Variants in RNF19A observed in about 807,000 individuals in gnomAD.
RNF19A encodes ring finger protein 19A, RBR E3 ubiquitin protein ligase.
Under a neutral mutation model 75.7 loss-of-function variants are expected in RNF19A, and 32 were observed. The observed-to-expected ratio is 0.42, with a 90% CI of 0.32 to 0.57. The LOEUF (loss-of-function observed/expected upper bound fraction) is 0.57. Ranked by LOEUF, RNF19A falls within the 20% of genes least tolerant of loss-of-function variation. The probability of loss-of-function intolerance (pLI) is 0.10; values close to 1 mark genes in which losing one functional copy is unlikely to be tolerated. For missense variants in RNF19A, 782 were observed against 1,036.3 expected, an observed-to-expected ratio of 0.75 and a Z score of 3.37; for synonymous variants, 335 against 345.2, an observed-to-expected ratio of 0.97 and a Z score of 0.33.
rs762766801 is a variant in RNF19A at position 100,269,597 on chromosome 8, G to A, written c.1028+272C>T. 6.6e-6 allele frequency among the ~76,000 whole-genome samples: 1 copy of A among 152,060 alleles called. No individual in the cohort carries two copies. The highest frequency in any genetic ancestry group is 1.9e-4 in the East Asian group (1 of 5,200). On this transcript the variant is annotated intron_variant, in intron 4 of 9. Coordinates refer to ENST00000341084, the MANE Select transcript of RNF19A (RefSeq NM_183419.4). This position sits in a 1 kb window ranked among gnomAD's most constrained non-coding sequence, Gnocchi z 5.7. ...TTATGTATGGGAAAATTAAATGAAAGTATTTATGGGTCTAGCATAATTACA... is the reference window on the plus strand; with the variant it reads ...TTATGTATGGGAAAATTAAATGAAAATATTTATGGGTCTAGCATAATTACA...
chr8:100,303,604 TA>T (rs971344797), intron 1 of RNF19A, among the ~76,000 whole-genome samples: 21 of 152,232 alleles, frequency 1.4e-4, no homozygotes, highest in African/African-American at 4.8e-4. Flanking sequence ...TGCAAAAATC[TA>T]AAGGATATTT....
intron 1 of RNF19A, among the ~76,000 whole-genome samples, chr8:100,290,390 C>T (rs1004703635): frequency 2.6e-5 from 4 of 152,222 alleles, no homozygotes; most frequent in Non-Finnish European, 5.9e-5. Flanking sequence ...ACGTCAGCCA[C>T]AGTGCCCAGC....
At position 100,315,000 on chromosome 8, in the gene RNF19A, G is replaced by A. The variant is rs1028723571; in HGVS notation, c.-242-1628C>T. Among the ~76,000 whole-genome samples, 1 of 152,202 alleles carries A rather than the reference G, an allele frequency of 6.6e-6. No homozygotes were observed. Among genetic ancestry groups the A allele is most frequent in the African/African-American group, 2.4e-5 (1 of 41,452 alleles). The stretch of plus-strand genomic sequence containing the variant: ...CCTTGAGCAGCTTGTAAACTTGCCA[G>A]GGAAACTGACATCGAGAAAATCACT... On this transcript the variant is annotated intron_variant, in intron 1 of 3. Transcript: ENST00000519527. This position sits in a 1 kb window ranked among gnomAD's most constrained non-coding sequence, Gnocchi z 4.1.
chr8:100,280,552 T>TTTA (rs1820734920), intron 2 of RNF19A, among the ~76,000 whole-genome samples: 1 of 152,216 alleles, frequency 6.6e-6, no homozygotes, highest in South Asian at 2.1e-4. Flanking sequence ...CATTCAAGTC[T>TTTA]TACTGAATTT....
At chr8:100,291,203 T>C (rs1487002345) in intron 1 of RNF19A, among the ~76,000 whole-genome samples, 1 of 152,176 alleles carries the variant, frequency 6.6e-6, no homozygotes, top group African/African-American at 2.4e-5. Flanking sequence ...TCACCTCAAA[T>C]AGATGTTCTA....
Position 100,291,539 on chromosome 8 carries a change from A to C in RNF19A, c.-93-3272T>G, listed in dbSNP as rs142518876. ...TATACATTTATAATATCCCACCAATAAACATCTAACCATAAACACTTCAGC... is the reference window on the plus strand; with the variant it reads ...TATACATTTATAATATCCCACCAATCAACATCTAACCATAAACACTTCAGC... On this transcript the variant is annotated intron_variant, in intron 1 of 9. Transcript: ENST00000341084. Among the ~76,000 whole-genome samples the C allele has an allele frequency of 7.3e-3, 1,113 of 152,292 alleles. 19 individuals carry two copies. Among genetic ancestry groups the C allele is most frequent in the African/African-American group, 0.026 (1,075 of 41,554 alleles).
rs1819699677 is a variant in RNF19A, at chr8:100,261,261, A to C, written c.1682+281T>G. Among the ~76,000 whole-genome samples the C allele has an allele frequency of 6.6e-6, 1 of 151,876 alleles. No individual in the cohort carries two copies. Among genetic ancestry groups the C allele is most frequent in the Admixed American group, 6.6e-5 (1 of 15,256 alleles). ...AGGTGCATGCCACCAAATCCGGCTA[A>C]TTTTTTATATTTTTTTAGTAGAGAT... is the stretch of plus-strand genomic sequence containing the variant. On this transcript the variant is annotated intron_variant, in intron 8 of 9. Coordinates refer to ENST00000341084, the MANE Select transcript of RNF19A (RefSeq NM_183419.4). The surrounding 1 kb of genome is among the most constrained non-coding windows in gnomAD (Gnocchi z 4.4).
Position 100,324,523 on chromosome 8 carries a change from T to A in RNF19A, c.-242-11151A>T, listed in dbSNP as rs990762866. Reference sequence around the variant, plus strand: ...AAGGCTAAGGAAATCTGGAGGAGAGTGGAAGTTCCTTTCATTCTCTCCTCT... The same window carrying A: ...AAGGCTAAGGAAATCTGGAGGAGAGAGGAAGTTCCTTTCATTCTCTCCTCT... On this transcript the variant is annotated intron_variant, in intron 1 of 3. Coordinates refer to the RNF19A transcript ENST00000519527. This position sits in a 1 kb window ranked among gnomAD's most constrained non-coding sequence, Gnocchi z 4.2. Among the ~76,000 whole-genome samples, 8 of 152,028 alleles carry A rather than the reference T, an allele frequency of 5.3e-5. No individual in the cohort carries two copies. Among genetic ancestry groups the A allele is most frequent in the Admixed American group, 1.3e-4 (2 of 15,254 alleles).
At chr8:100,313,624 C>T (rs1194900103), upstream of RNF19A, among the ~76,000 whole-genome samples, 2 of 152,102 alleles carry the variant, frequency 1.3e-5, no homozygotes, top group Non-Finnish European at 2.9e-5. Context: ...TGTGATGAGA[C>T]AATAGATGTT....
intron 1 of RNF19A, among the ~76,000 whole-genome samples, chr8:100,307,602 G>A (rs1586686413): frequency 6.6e-6 from 1 of 151,180 alleles, no homozygotes; most frequent in East Asian, 1.9e-4. Context: ...ATATACAAGT[G>A]ATTATTTCAA....
intron 1 of RNF19A, among the ~76,000 whole-genome samples, chr8:100,291,217 A>T (rs1477484663): frequency 2.0e-5 from 3 of 152,208 alleles, no homozygotes; most frequent in Non-Finnish European, 4.4e-5. Flanking sequence ...TGTTCTAAGA[A>T]TAATATGAAA....
Position 100,275,237 on chromosome 8 carries a change from A to G in RNF19A, c.675-76T>C, listed in dbSNP as rs879716513. On this transcript the variant is annotated intron_variant, in intron 2 of 9. Transcript: ENST00000341084. This position sits in a 1 kb window ranked among gnomAD's most constrained non-coding sequence, Gnocchi z 4.3. ...CTCATTTCAAAAAGTATCCAACTAA[A>G]GATTATTCCTGAAAAACATTTTCTA... The G allele has an allele frequency of 1.3e-4, 161 of 1,272,146 alleles. No homozygotes were observed. The highest frequency in any genetic ancestry group is 1.6e-4 in the Non-Finnish European group (142 of 890,998). 78.8% of individuals were successfully genotyped at this position (1,272,146 alleles called of 1,614,324 possible).
Position 100,284,718 on chromosome 8 carries a change from GT to G in RNF19A, c.674+2782del, listed in dbSNP as rs1306807987. Among the ~76,000 whole-genome samples the G allele has an allele frequency of 1.3e-5, 2 of 152,058 alleles. No individual in the cohort carries two copies. The highest frequency in any genetic ancestry group is 2.9e-5 in the Non-Finnish European group (2 of 67,936). On this transcript the variant is annotated intron_variant, in intron 2 of 9. Coordinates refer to ENST00000341084, the MANE Select transcript of RNF19A (RefSeq NM_183419.4). The surrounding 1 kb of genome is among the most constrained non-coding windows in gnomAD (Gnocchi z 4.3). ...AATGAAGTCTCAATGAGAAGAAAAT[GT>G]GCCAAAATATCCCAAAGTATGAGTT... is the stretch of plus-strand genomic sequence containing the variant.
intron 1 of RNF19A, among the ~76,000 whole-genome samples, chr8:100,319,810 G>A (rs1015943622): frequency 2.0e-5 from 3 of 149,902 alleles, no homozygotes; most frequent in Non-Finnish European, 3.0e-5. Flanking sequence ...GATTACAGGC[G>A]TGAGCCACCG....
At chr8:100,273,986 T>C (rs1197831030) in intron 3 of RNF19A, among the ~76,000 whole-genome samples, 1 of 152,146 alleles carries the variant, frequency 6.6e-6, no homozygotes, top group Non-Finnish European at 1.5e-5. Context: ...GGTTTCACCA[T>C]GTTGCCCAGG....
rs113224072 is a variant in RNF19A at position 100,283,789 on chromosome 8, G to A, written c.674+3712C>T. Among the ~76,000 whole-genome samples the A allele has an allele frequency of 5.1e-3, 782 of 152,178 alleles. 10 individuals are homozygous for A. Among genetic ancestry groups the A allele is most frequent in the African/African-American group, 0.018 (765 of 41,520 alleles). On this transcript the variant is annotated intron_variant, in intron 2 of 9. Transcript: ENST00000341084. ...TTTCACATCTAGCATTTCTGGAAAA[G>A]AACCTTTCAAGTGTGTTATATAATA...
intron 3 of RNF19A, among the ~76,000 whole-genome samples, chr8:100,272,003 G>A (rs1820278687): frequency 6.6e-6 from 1 of 151,988 alleles, no homozygotes. Flanking sequence ...CTAAAATATG[G>A]GCCATTGTCA....
chr8:100,300,685 T>C lies in RNF19A; in HGVS notation c.-94+9182A>G, dbSNP rs186127030. 13 of 151,848 alleles carry C rather than the reference T, an allele frequency of 8.6e-5. No individual in the cohort carries two copies. The East Asian group carries it at 1.9e-3, about 23-fold the overall frequency. The allele number at this position is 151,848 out of a possible 1,614,324, so 9.4% of individuals were successfully genotyped here. A position where few individuals can be genotyped will look rare whatever the true frequency, so the allele number is the denominator to read the frequency against. ...AATGAAATAGAAAAAAATTAAAAAA[T>C]AAAAAAACAAAAGCAACATAATCAG... On this transcript the variant is annotated intron_variant, in intron 1 of 9. Transcript: ENST00000341084.
upstream of RNF19A, chr8:100,312,267 CA>C (rs1252482631): frequency 6.6e-6 from 1 of 152,242 alleles, no homozygotes; most frequent in Admixed American, 6.5e-5. Context: ...ACAATTAAAT[CA>C]GAATCACTGA....
Sources: gnomAD v4.1 joint callset for allele counts (sites outside exome capture counted in the v4.1 genomes callset) on GRCh38, gnomAD v4.1.1 for gene constraint, Gnocchi (gnomAD v3.1) non-coding constraint, MANE v1.5 for transcripts, NCBI Gene and HGNC (gene_info 2026-07-23, HGNC 2026-07-21) for gene names.